ABCA10: variants seen among roughly 807,000 people sequenced by gnomAD.
The protein encoded by ABCA10 is ATP binding cassette subfamily A member 10.
ABCA10 carries 169 observed loss-of-function variants against 187.5 expected under a neutral mutation model. That is an observed-to-expected ratio of 0.90 (90% CI 0.80 to 1.02). The LOEUF is 1.02. ABCA10 is among the 50% of genes least tolerant of loss of function. The pLI, the probability that ABCA10 is intolerant of heterozygous loss-of-function variation, is 0.00. For synonymous variants in ABCA10, 574 were observed against 601.8 expected, an observed-to-expected ratio of 0.95 and a Z score of 0.68; for missense variants, 1,727 against 1,812.4, an observed-to-expected ratio of 0.95 and a Z score of 0.86.
intron 22 of ABCA10, among the ~76,000 whole-genome samples, chr17:69,177,972 AAATAT>A (rs1348508825): frequency 1.1e-5 from 1 of 87,786 alleles, no homozygotes; most frequent in African/African-American, 4.5e-5. Context: ...AAAAAAAAAA[AAATAT>A]ATATATATAT....
chr17:69,188,028 T>C lies in ABCA10; in HGVS notation c.2132-149A>G. 4.2e-6 allele frequency: 3 copies of C among 719,170 alleles called. 1 individual carries two copies. The South Asian group carries it at 5.9e-5, about 14-fold the overall frequency. The allele number at this position is 719,170 out of a possible 1,614,324, so 44.5% of individuals were successfully genotyped here. On this transcript the variant is annotated intron_variant, in intron 18 of 38. Coordinates refer to ENST00000690296, the MANE Select transcript of ABCA10 (RefSeq NM_001377321.1). Reference sequence around the variant, plus strand: ...TAATCAAAATTTACGTTAAAAATCTTTCCTTCAAACATATGTAATGGATTC... The same window carrying C: ...TAATCAAAATTTACGTTAAAAATCTCTCCTTCAAACATATGTAATGGATTC...
At chr17:69,179,881 A>T (rs2074365888) in intron 22 of ABCA10, among the ~76,000 whole-genome samples, 1 of 152,180 alleles carries the variant, frequency 6.6e-6, no homozygotes, top group Non-Finnish European at 1.5e-5. Context: ...TGCAGGGTGA[A>T]CTACAGTGGT....
chr17:69,244,214 T>C (rs548033746), intron 1 of ABCA10: 2 of 152,296 alleles, frequency 1.3e-5, no homozygotes, highest in African/African-American at 4.8e-5. Flanking sequence ...ACCTAGTTTA[T>C]GTTTAAAATC....
chr17:69,194,313 A>AT, intron 12 of ABCA10, 72 bp downstream of exon 12: 1 of 1,304,398 alleles, frequency 7.7e-7, no homozygotes, highest in Admixed American at 1.8e-5. Flanking sequence ...TTAGAGAAAC[A>AT]TTTTTTACAT....
chr17:69,214,573 T>C (rs2074688525), intron 9 of ABCA10, 131 bp downstream of exon 9: 1 of 792,344 alleles, frequency 1.3e-6, no homozygotes, highest in South Asian at 3.0e-5. Flanking sequence ...AATGAGGAAA[T>C]TCTATTGTTT....
rs772640479 is a variant in ABCA10, at chr17:69,193,696, C to T, written c.1522-84G>A. 9 of 1,548,852 alleles carry T rather than the reference C, an allele frequency of 5.8e-6. No homozygotes were observed. In the East Asian group the frequency reaches 2.0e-4, roughly 35 times the overall value. ...TCTCTAAAAATGAAAAGGATTTAGT[C>T]TAGAACTTCGTTGATTAAGCTTTAC... On this transcript the variant is annotated intron_variant, in intron 13 of 38. Coordinates refer to ENST00000690296, the MANE Select transcript of ABCA10 (RefSeq NM_001377321.1).
intron 11 of ABCA10, among the ~76,000 whole-genome samples, chr17:69,195,077 A>T (rs917082406): frequency 2.0e-5 from 3 of 152,246 alleles, no homozygotes; most frequent in African/African-American, 7.2e-5. Context: ...TTTCACATAT[A>T]TGTGCCTAAG....
chr17:69,176,155 T>C (rs950207738), intron 22 of ABCA10, among the ~76,000 whole-genome samples: 4 of 152,174 alleles, frequency 2.6e-5, no homozygotes, highest in African/African-American at 9.6e-5. Flanking sequence ...GCTACAGTTA[T>C]CATATCTGAA....
chr17:69,153,351 C>T lies in ABCA10; in HGVS notation c.4090G>A (p.Asp1364Asn). The change falls in exon 34 of 39, where the codon GAT becomes AAT. Residue 1364 changes from aspartate (D) to asparagine (N), a missense_variant. Asp to Asn is a conservative substitution (Grantham distance 23, BLOSUM62 1). Transcript: ENST00000690296. ...ILGNPSVVLL[D>N]EPFTGMDPEG... is the part of the protein sequence containing the mutation. ...GGGTCCATCCCGGTGAACGGCTCAT[C>T]TAGAAGCACCACTGATGGGTTCCCC... The T allele has an allele frequency of 6.2e-7, 1 of 1,613,708 alleles. No individual in the cohort carries two copies. Among genetic ancestry groups the T allele is most frequent in the Non-Finnish European group, 8.5e-7 (1 of 1,179,772 alleles).
chr17:69,228,473 G>A (rs2074809930), intron 1 of ABCA10, 108 bp downstream of exon 1: 1 of 151,652 alleles, frequency 6.6e-6, no homozygotes, highest in African/African-American at 2.4e-5. Flanking sequence ...TAGAGCATCT[G>A]AATAATATAA....
chr17:69,192,248 A>G (rs921999860), intron 16 of ABCA10, among the ~76,000 whole-genome samples: 3 of 152,170 alleles, frequency 2.0e-5, no homozygotes, highest in Non-Finnish European at 4.4e-5. Flanking sequence ...CGCTTTAACC[A>G]GGGAGTTGGA....
chr17:69,150,471 T>TA (rs539879003), intron 36 of ABCA10: 4 of 154,608 alleles, frequency 2.6e-5, no homozygotes, highest in South Asian at 2.0e-4. Context: ...TCTCTCCTGC[T>TA]AAAAAAAAAT....
At chr17:69,169,169 A>C in intron 25 of ABCA10, among the ~76,000 whole-genome samples, 1 of 152,216 alleles carries the variant, frequency 6.6e-6, no homozygotes, top group East Asian at 1.9e-4. Flanking sequence ...CTGAACCTCA[A>C]AAGAACTGAA....
intron 3 of ABCA10, among the ~76,000 whole-genome samples, chr17:69,223,331 A>G (rs1393817079): frequency 1.3e-5 from 2 of 152,212 alleles, no homozygotes; most frequent in African/African-American, 4.8e-5. Context: ...ATCAGAGTAC[A>G]AAAATAAAAA....
intron 25 of ABCA10, among the ~76,000 whole-genome samples, chr17:69,165,795 C>T (rs1274977678): frequency 5.9e-5 from 9 of 151,534 alleles, no homozygotes; most frequent in African/African-American, 2.2e-4. Context: ...ATTTGAAAAC[C>T]TCACAGATGA....
chr17:69,177,663 G>A (rs2074343905), intron 22 of ABCA10, among the ~76,000 whole-genome samples: 1 of 151,804 alleles, frequency 6.6e-6, no homozygotes, highest in Non-Finnish European at 1.5e-5. Context: ...ATTAAATAAT[G>A]TATAGTGAGG....
chr17:69,215,255 G>T (rs745750511), intron 8 of ABCA10, among the ~76,000 whole-genome samples: 27 of 152,122 alleles, frequency 1.8e-4, no homozygotes, highest in Non-Finnish European at 3.1e-4. Flanking sequence ...TATTAAATAA[G>T]TACTGAAGAC....
At chr17:69,163,187 A>G (rs2074231369) in intron 27 of ABCA10, among the ~76,000 whole-genome samples, 1 of 151,876 alleles carries the variant, frequency 6.6e-6, no homozygotes, top group Admixed American at 6.6e-5. Flanking sequence ...TCCCATGAGG[A>G]TTTTGGAGTC....
At position 69,187,809 on chromosome 17, in the gene ABCA10, C is replaced by T. The variant is rs779708009; in HGVS notation, c.2202G>A (p.Gln734=). ...RNTGDESEME[Q]VLCSLPETRK... Reference sequence around the variant, plus strand: ...TTGTTTCAGGAAGAGAACAAAGAACCTGTTCCATTTCAGACTCATCTCCAG... The same window carrying T: ...TTGTTTCAGGAAGAGAACAAAGAACTTGTTCCATTTCAGACTCATCTCCAG... Residue 734 remains glutamine (Q), a synonymous_variant, in exon 19 of 39, where the codon CAG becomes CAA. Coordinates refer to ENST00000690296, the MANE Select transcript of ABCA10 (RefSeq NM_001377321.1). The T allele has an allele frequency of 5.6e-6, 9 of 1,613,762 alleles. No individual in the cohort carries two copies. Among genetic ancestry groups the T allele is most frequent in the Non-Finnish European group, 5.9e-6 (7 of 1,179,798 alleles).
Sources: allele counts gnomAD v4.1 joint callset (sites outside exome capture counted in the v4.1 genomes callset), GRCh38; gene constraint gnomAD v4.1.1; transcripts MANE v1.5; gene names NCBI Gene and HGNC (gene_info 2026-07-23, HGNC 2026-07-21).